Variants in DOCK3 observed in about 807,000 individuals in gnomAD.
DOCK3 encodes dedicator of cytokinesis protein 3.
A neutral mutation model predicts 265.6 loss-of-function variants in DOCK3; 60 were observed. The observed-to-expected ratio is 0.23, with a 90% CI of 0.18 to 0.28. DOCK3 has a LOEUF of 0.28. DOCK3 is among the 10% of genes least tolerant of loss of function. The pLI is 1.00. For missense variants in DOCK3, 1,981 were observed against 2,594.3 expected (o/e 0.76, Z 5.14); for synonymous variants, 881 against 938.0 (o/e 0.94, Z 1.11).
At chr3:51,317,995 C>A (rs9817077) in intron 32 of DOCK3, among the ~76,000 whole-genome samples, 13,214 of 151,772 alleles carry the variant, frequency 0.087, 1,199 homozygotes, top group East Asian at 0.34. Flanking sequence ...CTATCTAATT[C>A]TTTTTCCTTT....
intron 2 of DOCK3, chr3:50,787,233 T>C: frequency 1.8e-6 from 1 of 564,348 alleles, no homozygotes; most frequent in Non-Finnish European, 3.3e-6. Flanking sequence ...ATTCATTTGC[T>C]TCTCCAGACA....
chr3:50,933,965 G>T lies in DOCK3; in HGVS notation c.219-16G>T. 1 of 1,530,850 alleles carries T rather than the reference G, an allele frequency of 6.5e-7. No individual in the cohort carries two copies. The highest frequency in any genetic ancestry group is 8.9e-7 in the Non-Finnish European group (1 of 1,128,282). 94.8% of individuals were successfully genotyped at this position (1,530,850 alleles called of 1,614,324 possible). ...TTCAGAGATAATGTGGCTGTCTTTT[G>T]TGGCTCTGGTTCTAGGCAGTATGAA... On this transcript the variant is annotated splice_polypyrimidine_tract_variant and intron_variant, in intron 4 of 52. Coordinates refer to ENST00000266037, the MANE Select transcript of DOCK3 (RefSeq NM_004947.5).
At chr3:51,101,214 G>A (rs1015975844) in intron 9 of DOCK3, among the ~76,000 whole-genome samples, 18 of 144,602 alleles carry the variant, frequency 1.2e-4, no homozygotes, top group South Asian at 4.4e-4. Context: ...TCCGCTTCCC[G>A]GGTTCACGCC....
chr3:50,877,988 G>A (rs1244265797), intron 3 of DOCK3, among the ~76,000 whole-genome samples: 3 of 152,192 alleles, frequency 2.0e-5, no homozygotes, highest in African/African-American at 7.2e-5. Flanking sequence ...TGCAGCCTCC[G>A]CTGGTGATAC....
chr3:51,350,219 G>T, intron 39 of DOCK3, 69 bp from the exon 40 acceptor site: 1 of 1,377,368 alleles, frequency 7.3e-7, no homozygotes, highest in Non-Finnish European at 1.0e-6. Flanking sequence ...GTGTCCAGTT[G>T]GGCCTGGGAG....
intron 1 of DOCK3, among the ~76,000 whole-genome samples, chr3:50,710,142 CA>C (rs1193322223): frequency 3.9e-5 from 6 of 152,112 alleles, no homozygotes; most frequent in African/African-American, 1.4e-4. Flanking sequence ...AAAGCAAATG[CA>C]ACAAAAATAA....
chr3:50,692,719 G>C (rs1170640599), intron 1 of DOCK3, among the ~76,000 whole-genome samples: 2 of 152,190 alleles, frequency 1.3e-5, no homozygotes, highest in Non-Finnish European at 2.9e-5. Context: ...TTCGATGCAT[G>C]AAAGTTTTAA....
At chr3:51,046,567 T>C (rs954268674) in intron 5 of DOCK3, among the ~76,000 whole-genome samples, 8 of 152,142 alleles carry the variant, frequency 5.3e-5, no homozygotes, top group Non-Finnish European at 8.8e-5. Context: ...TATGCACTCA[T>C]CATGATACCT....
At chr3:51,305,733 CGCGT>C (rs914473787) in intron 27 of DOCK3, among the ~76,000 whole-genome samples, 65 of 135,606 alleles carry the variant, frequency 4.8e-4, no homozygotes, top group Admixed American at 1.3e-3. Flanking sequence ...TGTGTGTGTG[CGCGT>C]GTGTGTGTGT....
In DOCK3 at chr3:51,237,941, G is replaced by T. The variant is rs117203082; in HGVS notation, c.2102+351G>T. ...CACCCACCATTCTATTCTACTTTCT[G>T]TCTCTATGAATTTGACTACTTTAGG... is the stretch of plus-strand genomic sequence containing the variant. On this transcript the variant is annotated intron_variant, in intron 21 of 52. Transcript: ENST00000266037. Among the ~76,000 whole-genome samples, 212 of 150,882 alleles carry T rather than the reference G, an allele frequency of 1.4e-3. 5 individuals carry two copies. The East Asian group carries it at 0.038, about 27-fold the overall frequency.
intron 5 of DOCK3, among the ~76,000 whole-genome samples, chr3:50,948,285 G>T (rs2076491752): frequency 6.6e-6 from 1 of 151,358 alleles, no homozygotes; most frequent in African/African-American, 2.4e-5. Context: ...TCGATCTCCT[G>T]ACCTCGTGAT....
intron 10 of DOCK3, among the ~76,000 whole-genome samples, chr3:51,148,597 G>A (rs2085415026): frequency 1.3e-5 from 2 of 152,132 alleles, no homozygotes; most frequent in African/African-American, 4.8e-5. Flanking sequence ...TATTACATAG[G>A]GAATCCTTTC....
chr3:50,854,821 GAT>G (rs1343808982), intron 3 of DOCK3, among the ~76,000 whole-genome samples: 1 of 151,740 alleles, frequency 6.6e-6, no homozygotes, highest in Non-Finnish European at 1.5e-5. Context: ...TGATGAGAGA[GAT>G]CTATTCAGTA....
Position 51,078,281 on chromosome 3 carries a change from T to C in DOCK3, c.549+2841T>C, listed in dbSNP as rs28603111. Among the ~76,000 whole-genome samples the C allele has an allele frequency of 2.8e-3, 419 of 151,894 alleles. 1 individual carries two copies. The highest frequency in any genetic ancestry group is 9.7e-3 in the African/African-American group (401 of 41,374). On this transcript the variant is annotated intron_variant, in intron 7 of 52. Transcript: ENST00000266037. ...TACACTTGGAATAAAGGTTAGAAAA[T>C]AGAGAAAAATCTCCCTGAAAACAGA...
intron 1 of DOCK3, among the ~76,000 whole-genome samples, chr3:50,705,685 G>C (rs898355062): frequency 6.6e-6 from 1 of 152,080 alleles, no homozygotes; most frequent in Non-Finnish European, 1.5e-5. Context: ...AAAATGCTGG[G>C]ATTACAGGCA....
intron 37 of DOCK3, 64 bp downstream of exon 37, chr3:51,339,092 A>G: frequency 1.5e-6 from 2 of 1,343,226 alleles, no homozygotes; most frequent in Non-Finnish European, 2.0e-6. Context: ...TTTGTACAAT[A>G]GGCAGAGAAA....
At chr3:50,946,852 T>C (rs2076441638) in intron 5 of DOCK3, among the ~76,000 whole-genome samples, 1 of 152,218 alleles carries the variant, frequency 6.6e-6, no homozygotes, top group Non-Finnish European at 1.5e-5. Context: ...TACCAGGATA[T>C]GACAACTACA....
At chr3:51,271,369 A>G (rs2080483994) in intron 24 of DOCK3, among the ~76,000 whole-genome samples, 1 of 152,126 alleles carries the variant, frequency 6.6e-6, no homozygotes, top group African/African-American at 2.4e-5. Context: ...AGTAGATTCA[A>G]TGTCTGGTGA....
rs116755633 is a variant in DOCK3, at chr3:51,268,375, C to G, written c.2356-2440C>G. 2.7e-3 allele frequency among the ~76,000 whole-genome samples: 408 copies of G among 152,278 alleles called. 1 individual carries two copies. The highest frequency in any genetic ancestry group is 9.4e-3 in the African/African-American group (392 of 41,564). On this transcript the variant is annotated intron_variant, in intron 23 of 52. Coordinates refer to ENST00000266037, the MANE Select transcript of DOCK3 (RefSeq NM_004947.5). ...CCAGCTAATCTGTTACCTTTCCACA[C>G]AGCCTTACCCTAGAACAAATCAAGA...
Sources: gnomAD v4.1 joint callset for allele counts (sites outside exome capture counted in the v4.1 genomes callset) on GRCh38, gnomAD v4.1.1 for gene constraint, MANE v1.5 for transcripts, NCBI Gene and HGNC (gene_info 2026-07-23, HGNC 2026-07-21) for gene names.